The following GCN1 variants were observed in gnomAD, a reference collection of about 807,000 sequenced individuals.
GCN1 encodes the protein stalled ribosome sensor GCN1.
In GCN1, 90 loss-of-function variants were observed where a neutral mutation model predicts 288.4. The observed-to-expected ratio is 0.31, with a 90% CI of 0.26 to 0.37. The LOEUF (loss-of-function observed/expected upper bound fraction) is 0.37. Among genes scored for constraint, GCN1 ranks in the 10% least tolerant of loss-of-function variants. The pLI is 1.00. For missense variants in GCN1, 2,586 were observed against 3,419.9 expected, an observed-to-expected ratio of 0.76 and a Z score of 6.08; for synonymous variants, 1,386 against 1,420.2, an observed-to-expected ratio of 0.98 and a Z score of 0.54.
Position 120,162,021 on chromosome 12 carries a change from G to A in GCN1, c.2201C>T (p.Ser734Leu), listed in dbSNP as rs370035243. 111 of 1,613,342 alleles carry A rather than the reference G, an allele frequency of 6.9e-5. 2 individuals carry two copies. The highest frequency in any genetic ancestry group is 3.1e-4 in the South Asian group (28 of 91,054). Reference sequence around the variant, plus strand: ...GAGCTGTGGGAGGACCCGGTCCGGCGACAGGACGGAAAGGGAGCCCATGGC... The same window carrying A: ...GAGCTGTGGGAGGACCCGGTCCGGCAACAGGACGGAAAGGGAGCCCATGGC... ...MNAMGSLSVL[S>L]PDRVLPQLIS... Residue 734 changes from serine to leucine, a missense_variant, in exon 21 of 58, where the codon TCG becomes TTG. Physicochemically the swap from Ser to Leu is moderately radical, Grantham distance 145. Around this residue, in one of 8 missense-constraint regions of GCN1, gnomAD observed 913 missense variants for 1,107.0 expected, o/e 0.82. Coordinates refer to ENST00000300648, the MANE Select transcript of GCN1 (RefSeq NM_006836.2).
At chr12:120,132,948 A>G (rs917454803) in intron 53 of GCN1, among the ~76,000 whole-genome samples, 2 of 152,216 alleles carry the variant, frequency 1.3e-5, no homozygotes, top group Non-Finnish European at 2.9e-5. Context: ...ACTCTCTCCA[A>G]CTTCATCTAT....
Position 120,138,346 on chromosome 12 carries a change from C to T in GCN1, c.6226G>A (p.Val2076Met), listed in dbSNP as rs913742188. The T allele has an allele frequency of 2.6e-5, 41 of 1,607,710 alleles. No individual in the cohort carries two copies. Among genetic ancestry groups the T allele is most frequent in the Non-Finnish European group, 3.3e-5 (39 of 1,174,218 alleles). ...ACCTTGGGCACAAGGTAGGGCAGCA[C>T]CACACGACTCTTAATAGCCATGACT... is the stretch of plus-strand genomic sequence containing the variant. ...KQVMAIKSRV[V>M]LPYLVPKLTT... The change falls in exon 47 of 58, where the codon GTG becomes ATG. Residue 2076 changes from valine (V) to methionine (M), a missense_variant. Physicochemically the swap from Val to Met is conservative, Grantham distance 21 (BLOSUM62 1). This residue lies in a region of GCN1 where 437 missense variants were observed against 570.5 expected (regional missense o/e 0.77). Transcript: ENST00000300648.
intron 9 of GCN1, among the ~76,000 whole-genome samples, chr12:120,176,471 C>G (rs1445323353): frequency 6.6e-6 from 1 of 152,200 alleles, no homozygotes; most frequent in Non-Finnish European, 1.5e-5. Context: ...ACCCTCAGAT[C>G]CCATGATTTC....
chr12:120,131,226 C>T lies in GCN1; in HGVS notation c.7522G>A (p.Asp2508Asn). 6.2e-7 allele frequency: 1 copy of T among 1,614,202 alleles called. No homozygotes were observed. The highest frequency in any genetic ancestry group is 8.5e-7 in the Non-Finnish European group (1 of 1,180,014). Residue 2508 changes from aspartate to asparagine, a missense_variant, in exon 55 of 58, where the codon GAT becomes AAT. Around this residue, in one of 8 missense-constraint regions of GCN1, gnomAD observed 355 missense variants for 431.1 expected, o/e 0.82. Coordinates refer to ENST00000300648, the MANE Select transcript of GCN1 (RefSeq NM_006836.2). ...CTGCTCAGGATCATTTCCTGAACAT[C>T]ACTGCTATATCTGCCGGCACAAAGT... Reference protein sequence around the residue: ...GRLCAGRYSSDVQEMILSSAT... With the variant: ...GRLCAGRYSSNVQEMILSSAT...
At chr12:120,139,981 T>G (rs1461913416) in intron 45 of GCN1, among the ~76,000 whole-genome samples, 1 of 152,234 alleles carries the variant, frequency 6.6e-6, no homozygotes, top group East Asian at 1.9e-4. Context: ...GCCTTGCCAT[T>G]GGACTGTGGG....
chr12:120,163,716 C>T (rs185561065), intron 18 of GCN1, among the ~76,000 whole-genome samples: 1 of 152,032 alleles, frequency 6.6e-6, no homozygotes, highest in African/African-American at 2.4e-5. Context: ...AATAACAAGC[C>T]CTATTTGCCT....
At chr12:120,172,833 A>G (rs952143199) in intron 14 of GCN1, among the ~76,000 whole-genome samples, 1 of 152,048 alleles carries the variant, frequency 6.6e-6, no homozygotes, top group Non-Finnish European at 1.5e-5. Context: ...AATACAGTTC[A>G]TAAGTTTAAA....
chr12:120,136,774 C>G (rs1343840019), intron 50 of GCN1, 42 bp from the exon 51 acceptor site: 12 of 1,467,238 alleles, frequency 8.2e-6, no homozygotes, highest in Non-Finnish European at 1.0e-5. Context: ...CTCAAACACC[C>G]TGGGCCCTGG....
chr12:120,153,555 G>T lies in GCN1; in HGVS notation c.3868-148C>A. The T allele has an allele frequency of 1.1e-6, 1 of 890,410 alleles. No individual in the cohort carries two copies. The highest frequency in any genetic ancestry group is 1.7e-6 in the Non-Finnish European group (1 of 585,416). 55.2% of individuals were successfully genotyped at this position (890,410 alleles called of 1,614,324 possible). On this transcript the variant is annotated intron_variant, in intron 32 of 57. Coordinates refer to ENST00000300648, the MANE Select transcript of GCN1 (RefSeq NM_006836.2). This position sits in a 1 kb window ranked among gnomAD's most constrained non-coding sequence, Gnocchi z 4.4. ...CAGTGGCTCTTCCAGTTTTCTGGCA[G>T]GACTGCCACAGACTTAAAAGAATTT...
chr12:120,177,238 G>C (rs976552663), intron 9 of GCN1, among the ~76,000 whole-genome samples: 2 of 152,128 alleles, frequency 1.3e-5, no homozygotes, highest in African/African-American at 4.8e-5. Context: ...CTCCCAAAGT[G>C]CTGGGATTAC....
intron 7 of GCN1, 162 bp from the exon 8 acceptor site, chr12:120,177,914 AC>A: frequency 1.6e-6 from 1 of 634,630 alleles, no homozygotes; most frequent in Non-Finnish European, 2.8e-6. Flanking sequence ...CCCACTTAAA[AC>A]CCTTCCACAG....
chr12:120,129,735 G>A (rs1566295347), intron 56 of GCN1, among the ~76,000 whole-genome samples: 3 of 152,236 alleles, frequency 2.0e-5, no homozygotes, highest in Admixed American at 6.5e-5. Context: ...CAGGGCCTCG[G>A]GCCTCTGCCC....
intron 57 of GCN1, among the ~76,000 whole-genome samples, chr12:120,128,651 C>G (rs868221612): frequency 3.4e-4 from 51 of 152,030 alleles, no homozygotes; most frequent in African/African-American, 1.1e-3. Flanking sequence ...TTTGGGCTTT[C>G]AAGGCTGCTG....
rs1271560344 is a variant in GCN1 at position 120,142,617 on chromosome 12, C to T, written c.5719G>A (p.Val1907Ile). 7.4e-6 allele frequency: 12 copies of T among 1,614,006 alleles called. No individual in the cohort carries two copies. The highest frequency in any genetic ancestry group is 1.0e-5 in the Non-Finnish European group (12 of 1,180,002). The change falls in exon 44 of 58, where the codon GTC becomes ATC. Residue 1907 changes from valine (V) to isoleucine (I), a missense_variant. Transcript: ENST00000300648. This position sits in a 1 kb window ranked among gnomAD's most constrained non-coding sequence, Gnocchi z 4.9. ...GTATTGGAGACAACAATCTTCCAGA[C>T]ATGCAGGGACGCCTGCCGCACCACC... ...QLVVRQASLH[V>I]WKIVVSNTPR...
At chr12:120,128,064 C>T (rs560879114) in intron 57 of GCN1, 90 bp from the exon 58 acceptor site, 5 of 1,431,298 alleles carry the variant, frequency 3.5e-6, no homozygotes, top group East Asian at 4.6e-5. Flanking sequence ...GAATGTTAAC[C>T]CCAGAACTAG....
At position 120,147,320 on chromosome 12, in the gene GCN1, T is replaced by C. The variant is rs759642202; in HGVS notation, c.4727-48A>G. 3.6e-6 allele frequency: 4 copies of C among 1,116,410 alleles called. No homozygotes were observed. In the East Asian group the frequency reaches 1.0e-4, roughly 28 times the overall value. 69.2% of individuals were successfully genotyped at this position (1,116,410 alleles called of 1,614,324 possible). On this transcript the variant is annotated intron_variant, in intron 37 of 57. Coordinates refer to ENST00000300648, the MANE Select transcript of GCN1 (RefSeq NM_006836.2). ...GCTGGATGATATACATCTATGCAGC[T>C]GCAAGGCCCCTGGGCCCCCAGAACT...
At chr12:120,167,424 A>T (rs1702468516) in intron 16 of GCN1, among the ~76,000 whole-genome samples, 1 of 152,108 alleles carries the variant, frequency 6.6e-6, no homozygotes. Flanking sequence ...AGGTCTAGAA[A>T]GCACAGTACA....
chr12:120,176,850 T>G (rs1466059129), intron 9 of GCN1, among the ~76,000 whole-genome samples: 1 of 152,140 alleles, frequency 6.6e-6, no homozygotes, highest in East Asian at 1.9e-4. Flanking sequence ...CACTGCAACC[T>G]CCACCTCCCG....
chr12:120,193,589 C>A (rs1217766554), intron 1 of GCN1, among the ~76,000 whole-genome samples: 10 of 152,172 alleles, frequency 6.6e-5, no homozygotes, highest in Non-Finnish European at 1.5e-4. Flanking sequence ...ACAGGGTGAG[C>A]CACCACGCCC....
Sources: gnomAD v4.1 joint callset for allele counts (sites outside exome capture counted in the v4.1 genomes callset) on GRCh38, gnomAD v4.1.1 for gene constraint, gnomAD v4.1.1 regional missense constraint, Gnocchi (gnomAD v3.1) non-coding constraint, MANE v1.5 for transcripts, NCBI Gene and HGNC (gene_info 2026-07-23, HGNC 2026-07-21) for gene names.